SNAP47: variants seen among roughly 807,000 people sequenced by gnomAD.
SNAP47 encodes the protein synaptosome associated protein 47.
Under a neutral mutation model 31.4 loss-of-function variants are expected in SNAP47, and 20 were observed. That is an observed-to-expected ratio of 0.64 (90% CI 0.45 to 0.93). The LOEUF (loss-of-function observed/expected upper bound fraction) is 0.93, where lower values mean the gene tolerates loss of function less well. Ranked by LOEUF, SNAP47 falls within the 40% of genes least tolerant of loss-of-function variation. The probability of loss-of-function intolerance (pLI) is 0.00; values close to 1 mark genes in which losing one functional copy is unlikely to be tolerated. For missense variants in SNAP47, 492 were observed against 528.5 expected (o/e 0.93, Z 0.68); for synonymous variants, 194 against 213.4 (o/e 0.91, Z 0.79).
chr1:227,779,623 A>C (rs965917771), intron 4 of SNAP47, among the ~76,000 whole-genome samples: 2 of 152,158 alleles, frequency 1.3e-5, no homozygotes, highest in Admixed American at 1.3e-4. Flanking sequence ...GGGTCACTCA[A>C]GTTTCCTTTC....
At position 227,741,914 on chromosome 1, in the gene SNAP47, T is replaced by C. The variant is rs1427093468; in HGVS notation, c.-45-5778T>C. 6.6e-6 allele frequency among the ~76,000 whole-genome samples: 1 copy of C among 152,204 alleles called. No homozygotes were observed. Among genetic ancestry groups the C allele is most frequent in the African/African-American group, 2.4e-5 (1 of 41,452 alleles). On this transcript the variant is annotated intron_variant, in intron 1 of 4. Coordinates refer to ENST00000617596, the MANE Select transcript of SNAP47 (RefSeq NM_053052.4). This position sits in a 1 kb window ranked among gnomAD's most constrained non-coding sequence, Gnocchi z 4.2. ...CTCTTCTTGCTTCTTCCTGGGCTGT[T>C]GTCAAACTTGAATACTTTCCTTATA...
At chr1:227,734,122 TCC>T (rs1660884764), upstream of SNAP47, 38 of 1,437,860 alleles carry the variant, frequency 2.6e-5, no homozygotes, top group Admixed American at 8.0e-4. Flanking sequence ...ACCAATCGGC[TCC>T]AGTGGAGCTT....
rs756777384 is a variant in SNAP47, at chr1:227,780,685, C to T, written c.*12C>T. 1.2e-6 allele frequency: 2 copies of T among 1,613,880 alleles called. No individual in the cohort carries two copies. The highest frequency in any genetic ancestry group is 1.6e-4 in the Middle Eastern group (1 of 6,062). The stretch of plus-strand genomic sequence containing the variant: ...AGAGGCTGACCTAGGGGCAGAACGT[C>T]CCTGCATTCCTGTCTCACCCTGCAC... On this transcript the variant is annotated 3_prime_UTR_variant, in exon 5 of 5. Coordinates refer to ENST00000617596, the MANE Select transcript of SNAP47 (RefSeq NM_053052.4).
intron 2 of SNAP47, among the ~76,000 whole-genome samples, chr1:227,754,377 C>T (rs1662566078): frequency 6.6e-6 from 1 of 152,162 alleles, no homozygotes; most frequent in Admixed American, 6.5e-5. Context: ...GTGTGGCAGG[C>T]CAGGGTGGTC....
intron 1 of SNAP47, among the ~76,000 whole-genome samples, chr1:227,739,291 C>G (rs1661438640): frequency 6.6e-6 from 1 of 152,204 alleles, no homozygotes; most frequent in Non-Finnish European, 1.5e-5. Flanking sequence ...TCCCAGAGTG[C>G]TGAGATTACA....
intron 4 of SNAP47, chr1:227,776,826 A>T (rs930587095): frequency 8.4e-5 from 83 of 985,376 alleles, no homozygotes; most frequent in Non-Finnish European, 9.2e-5. Context: ...TTTGGCAGGC[A>T]GGCCAAGGGT....
upstream of SNAP47, chr1:227,732,221 A>G: frequency 1.4e-6 from 1 of 725,914 alleles, no homozygotes; most frequent in Non-Finnish European, 2.3e-6. Flanking sequence ...CCCTGACCTC[A>G]TTGGGCCTCA....
At position 227,781,055 on chromosome 1, in the gene SNAP47, C is replaced by T. The variant is rs1162778075; in HGVS notation, c.*382C>T. Reference sequence around the variant, plus strand: ...ATTTGTGAGTGAAGTTAGAGCCCAGCTCACTTAGCCAGCTCACTTTGAGGG... The same window carrying T: ...ATTTGTGAGTGAAGTTAGAGCCCAGTTCACTTAGCCAGCTCACTTTGAGGG... On this transcript the variant is annotated 3_prime_UTR_variant, in exon 5 of 5. Transcript: ENST00000617596. 1 of 193,542 alleles carries T rather than the reference C, an allele frequency of 5.2e-6. No individual in the cohort carries two copies. 12.0% of individuals were successfully genotyped at this position (193,542 alleles called of 1,614,324 possible).
At chr1:227,736,944 G>A (rs1392894854) in intron 1 of SNAP47, among the ~76,000 whole-genome samples, 1 of 152,160 alleles carries the variant, frequency 6.6e-6, no homozygotes, top group Admixed American at 6.5e-5. Flanking sequence ...TGTGGGTTAT[G>A]GAGTTTATAG....
upstream of SNAP47, chr1:227,732,970 A>G: frequency 6.2e-7 from 1 of 1,613,418 alleles, no homozygotes; most frequent in Non-Finnish European, 8.5e-7. Context: ...AAGAAGCGCC[A>G]CATGTTGGCC....
In SNAP47 at chr1:227,759,382, A is replaced by C; in HGVS notation, c.885A>C (p.Glu295Asp). The change falls in exon 3 of 5, where the codon GAA becomes GAC. Residue 295 changes from glutamate to aspartate, a missense_variant. By Grantham distance (45) the Glu-to-Asp change is conservative. Coordinates refer to ENST00000617596, the MANE Select transcript of SNAP47 (RefSeq NM_053052.4). ...AKMPEVIPILEVQFSKKMELL... is the reference protein window; with the variant it reads ...AKMPEVIPILDVQFSKKMELL... The stretch of plus-strand genomic sequence containing the variant: ...TGCCAGAGGTTATCCCCATTTTAGA[A>C]GTGCAGTTCAGCAAGAAGATGGAGC... The C allele has an allele frequency of 1.2e-6, 2 of 1,614,214 alleles. No individual in the cohort carries two copies. Among genetic ancestry groups the C allele is most frequent in the Non-Finnish European group, 1.7e-6 (2 of 1,180,046 alleles).
upstream of SNAP47, chr1:227,733,065 G>A: frequency 6.2e-7 from 1 of 1,608,996 alleles, no homozygotes; most frequent in East Asian, 2.2e-5. Context: ...TGAGCCCATG[G>A]CAGGTGCCCC....
chr1:227,764,685 C>G (rs1423579165), intron 3 of SNAP47, among the ~76,000 whole-genome samples: 4 of 152,160 alleles, frequency 2.6e-5, no homozygotes. Context: ...GCGGGCGAAT[C>G]ACGAGGTCAG....
At chr1:227,761,834 AC>A (rs1310145004) in intron 3 of SNAP47, among the ~76,000 whole-genome samples, 1 of 152,032 alleles carries the variant, frequency 6.6e-6, no homozygotes. Flanking sequence ...CATGTTGCCG[AC>A]CTGGCTGCAC....
chr1:227,741,696 TC>T lies in SNAP47; in HGVS notation c.-45-5995del. Among the ~76,000 whole-genome samples the T allele has an allele frequency of 6.6e-6, 1 of 152,076 alleles. No individual in the cohort carries two copies. Among genetic ancestry groups the T allele is most frequent in the East Asian group, 1.9e-4 (1 of 5,176 alleles). On this transcript the variant is annotated intron_variant, in intron 1 of 4. Coordinates refer to ENST00000617596, the MANE Select transcript of SNAP47 (RefSeq NM_053052.4). The surrounding 1 kb of genome is among the most constrained non-coding windows in gnomAD (Gnocchi z 4.2). ...AAAGGGACCACGTTCTCCTGTGGCC[TC>T]TGTGTGGGGCCAGGCGTGTCGTCGG...
intron 4 of SNAP47, among the ~76,000 whole-genome samples, chr1:227,774,123 T>C (rs899508466): frequency 2.6e-5 from 4 of 152,150 alleles, no homozygotes; most frequent in African/African-American, 9.7e-5. Flanking sequence ...CTGTGGCCCA[T>C]GGAGGCATCT....
At chr1:227,733,144 C>G, upstream of SNAP47, 1 of 1,165,474 alleles carries the variant, frequency 8.6e-7, no homozygotes, top group East Asian at 2.5e-5. Context: ...CAAGAGGGCC[C>G]TCCTGTCTCC....
Position 227,762,547 on chromosome 1 carries a change from G to T in SNAP47, c.988+3062G>T, listed in dbSNP as rs752630296. Among the ~76,000 whole-genome samples, 2 of 152,214 alleles carry T rather than the reference G, an allele frequency of 1.3e-5. No individual in the cohort carries two copies. Among genetic ancestry groups the T allele is most frequent in the African/African-American group, 4.8e-5 (2 of 41,450 alleles). On this transcript the variant is annotated intron_variant, in intron 3 of 4. Coordinates refer to ENST00000617596, the MANE Select transcript of SNAP47 (RefSeq NM_053052.4). This position sits in a 1 kb window ranked among gnomAD's most constrained non-coding sequence, Gnocchi z 4.2. ...GCTCCCTGGAGGTGGAAACCATGACGGATGTCTCAGAAATCCCTGCCTCTG... is the reference window on the plus strand; with the variant it reads ...GCTCCCTGGAGGTGGAAACCATGACTGATGTCTCAGAAATCCCTGCCTCTG...
At chr1:227,734,709 G>A (rs572621463), upstream of SNAP47, 3 of 1,614,154 alleles carry the variant, frequency 1.9e-6, no homozygotes, top group East Asian at 2.2e-5. Context: ...TAGCCCGCCT[G>A]TATGTACTCT....
Sources: gnomAD v4.1 joint callset for allele counts (sites outside exome capture counted in the v4.1 genomes callset) on GRCh38, gnomAD v4.1.1 for gene constraint, Gnocchi (gnomAD v3.1) non-coding constraint, MANE v1.5 for transcripts, NCBI Gene and HGNC (gene_info 2026-07-23, HGNC 2026-07-21) for gene names.